Variants in TMEM108 observed in about 807,000 individuals in gnomAD.
The protein encoded by TMEM108 is cancer/testis antigen 124.
TMEM108 carries 12 observed loss-of-function variants against 35.1 expected under a neutral mutation model. That is an observed-to-expected ratio of 0.34 (90% CI 0.22 to 0.55). The LOEUF (loss-of-function observed/expected upper bound fraction) is 0.55, where lower values mean the gene tolerates loss of function less well. Ranked by LOEUF, TMEM108 falls within the 20% of genes least tolerant of loss-of-function variation. TMEM108 has a pLI of 0.89. For missense variants in TMEM108, 680 were observed against 753.3 expected, an observed-to-expected ratio of 0.90 and a Z score of 1.14; for synonymous variants, 287 against 308.6, an observed-to-expected ratio of 0.93 and a Z score of 0.73.
intron 2 of TMEM108, among the ~76,000 whole-genome samples, chr3:133,192,240 A>G (rs1326546840): frequency 6.6e-6 from 1 of 152,150 alleles, no homozygotes; most frequent in Non-Finnish European, 1.5e-5. Flanking sequence ...TAAGTCCATT[A>G]CCGAAATATA....
intron 2 of TMEM108, among the ~76,000 whole-genome samples, chr3:133,105,621 A>ATGTG (rs146156516): frequency 6.6e-6 from 1 of 151,806 alleles, no homozygotes; most frequent in African/African-American, 2.4e-5. Flanking sequence ...CCTTGGGGGT[A>ATGTG]TGTGTGTGCG....
At chr3:133,209,323 AGCCACCAT>A in intron 2 of TMEM108, among the ~76,000 whole-genome samples, 1 of 152,200 alleles carries the variant, frequency 6.6e-6, no homozygotes, top group African/African-American at 2.4e-5. Flanking sequence ...TATAGGCATG[AGCCACCAT>A]GCCTGCCCCA....
chr3:133,179,285 A>G (rs991346089), intron 2 of TMEM108, among the ~76,000 whole-genome samples: 2 of 151,694 alleles, frequency 1.3e-5, no homozygotes, highest in African/African-American at 4.9e-5. Context: ...ATACCATGTG[A>G]CCCAGCCATC....
intron 2 of TMEM108, among the ~76,000 whole-genome samples, chr3:133,135,187 C>T (rs1358227383): frequency 3.4e-5 from 5 of 148,790 alleles, no homozygotes; most frequent in Non-Finnish European, 5.9e-5. Flanking sequence ...TTCTGCAGTA[C>T]GTACTTTAGA....
At chr3:133,313,429 C>G (rs1341274301) in intron 3 of TMEM108, among the ~76,000 whole-genome samples, 1 of 152,210 alleles carries the variant, frequency 6.6e-6, no homozygotes, top group Non-Finnish European at 1.5e-5. Context: ...TCGTGATCCA[C>G]CTGCCTTGGC....
chr3:133,071,235 T>C (rs1943672211), intron 2 of TMEM108, among the ~76,000 whole-genome samples: 1 of 152,116 alleles, frequency 6.6e-6, no homozygotes, highest in African/African-American at 2.4e-5. Context: ...AAAATGGATT[T>C]TGTTATGATT....
At chr3:133,054,369 A>T (rs1166251364) in intron 2 of TMEM108, among the ~76,000 whole-genome samples, 1 of 152,068 alleles carries the variant, frequency 6.6e-6, no homozygotes, top group South Asian at 2.1e-4. Flanking sequence ...CAGATATCTT[A>T]TTTTTTATAT....
intron 2 of TMEM108, among the ~76,000 whole-genome samples, chr3:133,073,913 A>C (rs898530450): frequency 2.0e-5 from 3 of 152,070 alleles, no homozygotes; most frequent in African/African-American, 4.8e-5. Flanking sequence ...TTAGTAATGT[A>C]GAATATTTTT....
intron 3 of TMEM108, among the ~76,000 whole-genome samples, chr3:133,233,999 ACT>A (rs1946194971): frequency 6.6e-6 from 1 of 150,522 alleles, no homozygotes; most frequent in Non-Finnish European, 1.5e-5. Context: ...TTGCCTGTTC[ACT>A]CTGATGGTAG....
At chr3:133,112,163 C>A (rs1019479468) in intron 2 of TMEM108, among the ~76,000 whole-genome samples, 1 of 152,036 alleles carries the variant, frequency 6.6e-6, no homozygotes, top group Admixed American at 6.6e-5. Context: ...AGGCAAGGAG[C>A]TGGATTGCAG....
chr3:133,058,510 T>A (rs142830763), intron 2 of TMEM108, among the ~76,000 whole-genome samples: 50 of 152,368 alleles, frequency 3.3e-4, no homozygotes, highest in African/African-American at 1.2e-3. Context: ...CCTTCCTGTC[T>A]TTTGTTTGGC....
chr3:133,379,446 G>T (rs1014128094), intron 3 of TMEM108, among the ~76,000 whole-genome samples: 2 of 152,184 alleles, frequency 1.3e-5, no homozygotes, highest in Non-Finnish European at 2.9e-5. Flanking sequence ...CTGAAAAGTT[G>T]CCCTTGTGGG....
At chr3:133,210,614 A>G (rs573688516) in intron 2 of TMEM108, among the ~76,000 whole-genome samples, 1 of 152,332 alleles carries the variant, frequency 6.6e-6, no homozygotes, top group South Asian at 2.1e-4. Flanking sequence ...AGGTAGAATT[A>G]TCAACATAAT....
chr3:133,383,332 T>C (rs561083750), intron 4 of TMEM108, among the ~76,000 whole-genome samples: 1 of 152,284 alleles, frequency 6.6e-6, no homozygotes, highest in East Asian at 1.9e-4. Flanking sequence ...ACCTTACAGG[T>C]AGGGAGTGAG....
chr3:133,198,305 C>T lies in TMEM108; in HGVS notation c.-46-30961C>T, dbSNP rs544869817. Among the ~76,000 whole-genome samples, 85 of 150,132 alleles carry T rather than the reference C, an allele frequency of 5.7e-4. 1 individual carries two copies. Among genetic ancestry groups the T allele is most frequent in the Admixed American group, 2.5e-3 (37 of 14,920 alleles). On this transcript the variant is annotated intron_variant, in intron 2 of 5. Coordinates refer to ENST00000321871, the MANE Select transcript of TMEM108 (RefSeq NM_023943.4). ...ACACTAGATAGATGTGGTCAATAGA[C>T]ATTTAGTAGTCATATATACTCATAG...
chr3:133,287,830 A>G (rs1323149723), intron 3 of TMEM108, among the ~76,000 whole-genome samples: 1 of 152,256 alleles, frequency 6.6e-6, no homozygotes, highest in Non-Finnish European at 1.5e-5. Flanking sequence ...AATTTGTTTA[A>G]CTTTGTTGAA....
At chr3:133,098,043 C>T (rs1944039190) in intron 2 of TMEM108, among the ~76,000 whole-genome samples, 1 of 152,164 alleles carries the variant, frequency 6.6e-6, no homozygotes, top group Non-Finnish European at 1.5e-5. Context: ...GATACATTAC[C>T]TAAATCCAAA....
chr3:133,094,221 A>ACCCCCCCCCCCACCCCCCAC (rs1559830325), intron 2 of TMEM108, among the ~76,000 whole-genome samples: 1 of 34,250 alleles, frequency 2.9e-5, no homozygotes, highest in African/African-American at 1.1e-4. Flanking sequence ...CCCACCTCCC[A>ACCCCCCCCCCCACCCCCCAC]CCCCACCCCC....
chr3:133,236,307 T>A lies in TMEM108; in HGVS notation c.40+6956T>A, dbSNP rs57695379. Among the ~76,000 whole-genome samples, 1,253 of 152,096 alleles carry A rather than the reference T, an allele frequency of 8.2e-3. 24 individuals are homozygous for A. The highest frequency in any genetic ancestry group is 0.029 in the African/African-American group (1,201 of 41,480). ...TTCAACTCAGATAACTGTCTGTAGG[T>A]CCCTATCTTAGGAAAAGGAGGGGAA... is the stretch of plus-strand genomic sequence containing the variant. On this transcript the variant is annotated intron_variant, in intron 3 of 5. Coordinates refer to ENST00000321871, the MANE Select transcript of TMEM108 (RefSeq NM_023943.4).
Sources: allele counts gnomAD v4.1 joint callset (sites outside exome capture counted in the v4.1 genomes callset), GRCh38; gene constraint gnomAD v4.1.1; transcripts MANE v1.5; gene names NCBI Gene and HGNC (gene_info 2026-07-23, HGNC 2026-07-21).